Variants in ATP12A observed in about 807,000 individuals in gnomAD.
ATP12A encodes the protein potassium-transporting ATPase alpha chain 2.
In ATP12A, 81 loss-of-function variants were observed where a neutral mutation model predicts 111.2. The observed-to-expected ratio is 0.73, with a 90% CI of 0.61 to 0.88. ATP12A has a LOEUF of 0.88. Ranked by LOEUF, ATP12A falls within the 40% of genes least tolerant of loss-of-function variation. The pLI is 0.00. For missense variants in ATP12A, 1,196 were observed against 1,313.1 expected (o/e 0.91, Z 1.38); for synonymous variants, 498 against 499.8 (o/e 1.00, Z 0.05).
rs1874661405 is a variant in ATP12A, at chr13:24,686,290, A to G, written c.228+917A>G. ...CCCGTTTCTACTAAAAATACAAACA[A>G]TTGGCAGGGCGTGGTGGCACATGCC... On this transcript the variant is annotated intron_variant, in intron 3 of 22. Transcript: ENST00000381946. Among the ~76,000 whole-genome samples, 3 of 152,004 alleles carry G rather than the reference A, an allele frequency of 2.0e-5. No homozygotes were observed. The South Asian group carries it at 6.2e-4, about 32-fold the overall frequency.
Position 24,706,371 on chromosome 13 carries a change from C to A in ATP12A, c.2077C>A (p.Leu693Met). The A allele has an allele frequency of 6.2e-7, 1 of 1,614,230 alleles. No individual in the cohort carries two copies. The highest frequency in any genetic ancestry group is 8.5e-7 in the Non-Finnish European group (1 of 1,180,040). ...MELKDMSSEQ[L>M]DEILANYQEI... ...GCTGAAGGACATGAGCTCAGAACAG[C>A]TGGATGAGATCTTAGCCAACTACCA... The change falls in exon 15 of 23, where the codon CTG becomes ATG. Residue 693 changes from leucine (L) to methionine (M), a missense_variant. Leu to Met is a conservative substitution (Grantham distance 15). Coordinates refer to ENST00000381946, the MANE Select transcript of ATP12A (RefSeq NM_001676.7).
At chr13:24,705,416 G>A (rs1182480208) in intron 14 of ATP12A, among the ~76,000 whole-genome samples, 1 of 152,218 alleles carries the variant, frequency 6.6e-6, no homozygotes, top group Non-Finnish European at 1.5e-5. Context: ...ACGGTGGAAA[G>A]CCCCTGAAGA....
chr13:24,698,747 C>T lies in ATP12A; in HGVS notation c.1602C>T (p.Ser534=). The T allele has an allele frequency of 6.2e-7, 1 of 1,614,062 alleles. No homozygotes were observed. Among genetic ancestry groups the T allele is most frequent in the African/African-American group, 1.3e-5 (1 of 75,028 alleles). The part of the protein sequence containing the change: ...GAPERILEKC[S]TIMINGEEHP... The stretch of plus-strand genomic sequence containing the variant: ...CTGAGCGCATCCTAGAGAAATGCAG[C>T]ACCATCATGATCAACGGCGAGGAGC... Residue 534 remains serine, a synonymous_variant, in exon 12 of 23, where the codon AGC becomes AGT. Coordinates refer to ENST00000381946, the MANE Select transcript of ATP12A (RefSeq NM_001676.7).
At position 24,688,381 on chromosome 13, in the gene ATP12A, T is replaced by C; in HGVS notation, c.291T>C (p.Pro97=). The C allele has an allele frequency of 6.2e-7, 1 of 1,614,014 alleles. No homozygotes were observed. Among genetic ancestry groups the C allele is most frequent in the Non-Finnish European group, 8.5e-7 (1 of 1,179,964 alleles). Residue 97 remains proline (P), a synonymous_variant, in exon 4 of 23, where the codon CCT becomes CCC. Coordinates refer to ENST00000381946, the MANE Select transcript of ATP12A (RefSeq NM_001676.7). The part of the protein sequence containing the change: ...LARDGPNSLT[P]PKQTPEIVKF... ...GGGATGGGCCCAACTCCCTCACCCC[T>C]CCCAAGCAGACGCCTGAGATCGTCA... is the stretch of plus-strand genomic sequence containing the variant.
intron 11 of ATP12A, among the ~76,000 whole-genome samples, chr13:24,696,399 G>A (rs572351987): frequency 6.6e-6 from 1 of 151,714 alleles, no homozygotes; most frequent in African/African-American, 2.4e-5. Context: ...TGGCTACACA[G>A]AGTGGGACTA....
intron 15 of ATP12A, 48 bp downstream of exon 15, chr13:24,706,511 A>T (rs780859546): frequency 6.3e-7 from 1 of 1,598,526 alleles, no homozygotes; most frequent in Non-Finnish European, 8.5e-7. Flanking sequence ...ATCACTGTCC[A>T]TGGGCAAGTG....
intron 8 of ATP12A, 132 bp downstream of exon 8, chr13:24,691,382 G>A: frequency 8.7e-7 from 1 of 1,152,114 alleles, no homozygotes; most frequent in Non-Finnish European, 1.2e-6. Flanking sequence ...GACAACCCTG[G>A]AACATTCTGC....
At chr13:24,686,440 CAAA>C (rs60902451) in intron 3 of ATP12A, among the ~76,000 whole-genome samples, 18 of 93,804 alleles carry the variant, frequency 1.9e-4, no homozygotes, top group Middle Eastern at 0.01. Context: ...AACTCCATCT[CAAA>C]AAAAAAAAAA....
chr13:24,682,463 G>A (rs1191049493), intron 2 of ATP12A, among the ~76,000 whole-genome samples: 1 of 150,656 alleles, frequency 6.6e-6, no homozygotes, highest in African/African-American at 2.4e-5. Flanking sequence ...GCCTCTGCAG[G>A]ATTCCTGCAT....
rs1001209486 is a variant in ATP12A at position 24,685,682 on chromosome 13, C to T, written c.228+309C>T. Reference sequence around the variant, plus strand: ...AAGTGTCCTGAGATTCACTCTATCCCCCTGGGATGGCTACAAGAAGTAGAA... The same window carrying T: ...AAGTGTCCTGAGATTCACTCTATCCTCCTGGGATGGCTACAAGAAGTAGAA... On this transcript the variant is annotated intron_variant, in intron 3 of 22. Coordinates refer to ENST00000381946, the MANE Select transcript of ATP12A (RefSeq NM_001676.7). The surrounding 1 kb of genome is among the most constrained non-coding windows in gnomAD (Gnocchi z 5.5). 5.3e-5 allele frequency among the ~76,000 whole-genome samples: 8 copies of T among 152,308 alleles called. No individual in the cohort carries two copies. Among genetic ancestry groups the T allele is most frequent in the East Asian group, 1.9e-4 (1 of 5,186 alleles).
At chr13:24,689,410 G>T in intron 5 of ATP12A, 35 bp downstream of exon 5, 1 of 1,578,658 alleles carries the variant, frequency 6.3e-7, no homozygotes, top group South Asian at 1.1e-5. Context: ...GGCCTCTGGT[G>T]ACTCCCAGGT....
intron 10 of ATP12A, among the ~76,000 whole-genome samples, chr13:24,694,180 C>CT (rs1485421999): frequency 6.6e-6 from 1 of 152,188 alleles, no homozygotes; most frequent in East Asian, 1.9e-4. Flanking sequence ...ACCCACCTAT[C>CT]TATCAAGATC....
chr13:24,695,506 A>T (rs1009227029), intron 11 of ATP12A, among the ~76,000 whole-genome samples: 6 of 151,936 alleles, frequency 3.9e-5, no homozygotes, highest in African/African-American at 1.5e-4. Context: ...ACAGTAAAGT[A>T]TAGAAATGGA....
At position 24,709,413 on chromosome 13, in the gene ATP12A, A is replaced by G; in HGVS notation, c.2543A>G (p.Asn848Ser). Residue 848 changes from asparagine to serine, a missense_variant, in exon 18 of 23, where the codon AAC (asparagine) becomes AGC (serine). Physicochemically the swap from Asn to Ser is conservative, Grantham distance 46. This residue lies in a region of ATP12A where 1,126 missense variants were observed against 1,228.5 expected (regional missense o/e 0.92). Transcript: ENST00000381946. ...GAGAAAGCTGAAAGTGACATCATGA[A>G]CAGGAAGCCTCGCCACAAGAATAAG... ...AYEKAESDIMNRKPRHKNKDR... is the reference protein window; with the variant it reads ...AYEKAESDIMSRKPRHKNKDR... 6.2e-7 allele frequency: 1 copy of G among 1,613,964 alleles called. No homozygotes were observed.
Position 24,709,770 on chromosome 13 carries a change from G to T in ATP12A, c.2705G>T (p.Arg902Leu). The T allele has an allele frequency of 6.2e-7, 1 of 1,614,210 alleles. No homozygotes were observed. The highest frequency in any genetic ancestry group is 2.2e-5 in the East Asian group (1 of 44,880). The change falls in exon 19 of 23, where the codon CGG becomes CTG. Residue 902 changes from arginine (R) to leucine (L), a missense_variant. Physicochemically the swap from Arg to Leu is moderately radical, Grantham distance 102. This residue lies in a region of ATP12A where 1,126 missense variants were observed against 1,228.5 expected (regional missense o/e 0.92). Coordinates refer to ENST00000381946, the MANE Select transcript of ATP12A (RefSeq NM_001676.7). ...CTGCCCCGCACTCTCATTAACCTGCGGGTAGAATGGGAGAAGGACTACGTG... is the reference window on the plus strand; with the variant it reads ...CTGCCCCGCACTCTCATTAACCTGCTGGTAGAATGGGAGAAGGACTACGTG... ...GFLPRTLINL[R>L]VEWEKDYVND...
At position 24,685,216 on chromosome 13, in the gene ATP12A, A is replaced by T; in HGVS notation, c.169-98A>T. Reference sequence around the variant, plus strand: ...CACTCCTCGATCCCCTCCCATCCTCAGGGCTGCTACTCCCAGCTTCCATGG... The same window carrying T: ...CACTCCTCGATCCCCTCCCATCCTCTGGGCTGCTACTCCCAGCTTCCATGG... On this transcript the variant is annotated intron_variant, in intron 2 of 22. Coordinates refer to ENST00000381946, the MANE Select transcript of ATP12A (RefSeq NM_001676.7). This position sits in a 1 kb window ranked among gnomAD's most constrained non-coding sequence, Gnocchi z 5.5. The T allele has an allele frequency of 8.7e-7, 1 of 1,145,638 alleles. No individual in the cohort carries two copies. The highest frequency in any genetic ancestry group is 1.3e-6 in the Non-Finnish European group (1 of 757,942). 71.0% of individuals were successfully genotyped at this position (1,145,638 alleles called of 1,614,324 possible).
intron 19 of ATP12A, 105 bp downstream of exon 19, chr13:24,709,933 G>C: frequency 6.6e-7 from 1 of 1,505,368 alleles, no homozygotes. Context: ...GCCTGGGAAA[G>C]CTTCAATTAA....
At chr13:24,695,339 C>T (rs1304810372) in intron 11 of ATP12A, among the ~76,000 whole-genome samples, 1 of 152,164 alleles carries the variant, frequency 6.6e-6, no homozygotes, top group Non-Finnish European at 1.5e-5. Context: ...TAGAAGACGG[C>T]CTTCCTTGCC....
In ATP12A at chr13:24,709,750, C is replaced by T. The variant is rs764085063; in HGVS notation, c.2685C>T (p.Pro895=). The change falls in exon 19 of 23, where the codon CCC becomes CCT. Residue 895 remains proline, a synonymous_variant. Transcript: ENST00000381946. ...FTVYAQEGFL[P]RTLINLRVEW... ...TCTATGCACAAGAGGGCTTTCTGCCCCGCACTCTCATTAACCTGCGGGTAG... is the reference window on the plus strand; with the variant it reads ...TCTATGCACAAGAGGGCTTTCTGCCTCGCACTCTCATTAACCTGCGGGTAG... 7.4e-6 allele frequency: 12 copies of T among 1,614,100 alleles called. No individual in the cohort carries two copies. The South Asian group carries it at 1.3e-4, about 18-fold the overall frequency.
Sources: gnomAD v4.1 joint callset for allele counts (sites outside exome capture counted in the v4.1 genomes callset) on GRCh38, gnomAD v4.1.1 for gene constraint, gnomAD v4.1.1 regional missense constraint, Gnocchi (gnomAD v3.1) non-coding constraint, MANE v1.5 for transcripts, NCBI Gene and HGNC (gene_info 2026-07-23, HGNC 2026-07-21) for gene names.